The following OR52I2 variants were observed in gnomAD, a reference collection of about 807,000 sequenced individuals.
The protein encoded by OR52I2 is olfactory receptor 52I2.
For missense variants in OR52I2, 350 were observed against 402.4 expected (o/e 0.87, Z 1.11); for synonymous variants, 147 against 151.9 (o/e 0.97, Z 0.24).
intron 1 of OR52I2, among the ~76,000 whole-genome samples, chr11:4,583,145 T>C (rs1261038943): frequency 2.0e-5 from 3 of 152,096 alleles, no homozygotes; most frequent in African/African-American, 7.2e-5. Flanking sequence ...TCAGTAGCAA[T>C]ACATTGAGTA....
At chr11:4,588,523 T>C (rs184382966) in exon 2 of OR52I2, 1 of 152,860 alleles carries the variant, frequency 6.5e-6, no homozygotes, top group Admixed American at 6.5e-5. Flanking sequence ...GTTTATCCTC[T>C]ATTTGGAGAA....
chr11:4,593,158 T>C (rs1378869663), exon 2 of OR52I2: 4 of 152,540 alleles, frequency 2.6e-5, no homozygotes, highest in African/African-American at 7.2e-5. Flanking sequence ...TTCTAAAGGA[T>C]AAAGCTTTCT....
rs1446492058 is a variant in OR52I2 at position 4,586,732 on chromosome 11, G to T, written c.-19-140G>T. 7.0e-6 allele frequency: 8 copies of T among 1,147,094 alleles called. No homozygotes were observed. The African/African-American group carries it at 1.2e-4, about 18-fold the overall frequency. 71.1% of individuals were successfully genotyped at this position (1,147,094 alleles called of 1,614,324 possible). ...TATTAAGGAGGATAAAAGTGGTACA[G>T]GATAATTTTGTCAGATGCCACATTT... On this transcript the variant is annotated intron_variant, in intron 1 of 1. Transcript: ENST00000641896.
intron 1 of OR52I2, among the ~76,000 whole-genome samples, chr11:4,582,999 C>T (rs1846271301): frequency 6.6e-6 from 1 of 151,964 alleles, no homozygotes; most frequent in Non-Finnish European, 1.5e-5. Flanking sequence ...CCAGCATGTC[C>T]ATAATGGCTC....
exon 2 of OR52I2, chr11:4,590,867 T>C (rs1180445673): frequency 6.6e-6 from 1 of 152,244 alleles, no homozygotes; most frequent in Non-Finnish European, 1.5e-5. Flanking sequence ...GCAAGGTTTT[T>C]ATAATCTGAT....
Position 4,586,852 on chromosome 11 carries a change from C to A in OR52I2, c.-19-20C>A. 1.2e-6 allele frequency: 2 copies of A among 1,614,110 alleles called. No individual in the cohort carries two copies. Among genetic ancestry groups the A allele is most frequent in the Non-Finnish European group, 1.7e-6 (2 of 1,179,976 alleles). ...CTTACGGGATTGCATTCTTCTCATACATCATTTGTGCATTAACAGGAAAAA... is the reference window on the plus strand; with the variant it reads ...CTTACGGGATTGCATTCTTCTCATAAATCATTTGTGCATTAACAGGAAAAA... On this transcript the variant is annotated intron_variant, in intron 1 of 1. Transcript: ENST00000641896.
chr11:4,585,971 GT>G (rs1399450261), intron 1 of OR52I2, among the ~76,000 whole-genome samples: 6 of 152,132 alleles, frequency 3.9e-5, no homozygotes, highest in Non-Finnish European at 8.8e-5. Flanking sequence ...AAGCTTCCTT[GT>G]TGCCTGGAAT....
chr11:4,587,658 T>C (rs1846317733), exon 2 of OR52I2: 10 of 1,614,196 alleles, frequency 6.2e-6, no homozygotes, highest in Non-Finnish European at 8.5e-6. Context: ...CTTTGTACTA[T>C]CTACCTGGGA....
intron 1 of OR52I2, among the ~76,000 whole-genome samples, chr11:4,583,208 G>T (rs1413998079): frequency 6.6e-6 from 1 of 152,138 alleles, no homozygotes; most frequent in African/African-American, 2.4e-5. Flanking sequence ...CCTGTTCTTT[G>T]AAAAGATTAC....
At chr11:4,590,179 GCTAT>G (rs1370152155) in exon 2 of OR52I2, 3 of 152,108 alleles carry the variant, frequency 2.0e-5, no homozygotes, top group Admixed American at 6.5e-5. Flanking sequence ...TATTTATCAG[GCTAT>G]CTATCTGAGA....
chr11:4,586,683 G>T, intron 1 of OR52I2, 189 bp from the exon 2 acceptor site: 1 of 763,436 alleles, frequency 1.3e-6, no homozygotes. Context: ...CATGAACAAT[G>T]AATACAAATT....
In OR52I2 at chr11:4,592,385, T is replaced by A. The variant is rs150090479; in HGVS notation, c.*4520T>A. 176 of 152,300 alleles carry A rather than the reference T, an allele frequency of 1.2e-3. 2 individuals are homozygous for A. The highest frequency in any genetic ancestry group is 3.8e-3 in the African/African-American group (159 of 41,564). 9.4% of individuals were successfully genotyped at this position (152,300 alleles called of 1,614,324 possible). A position where few individuals can be genotyped will look rare whatever the true frequency, so the allele number is the denominator to read the frequency against. ...ATCTAGAACCGATGCTTTTTGCCAC[T>A]TTGCTATCCTGCCCTTTGATGATGT... On this transcript the variant is annotated 3_prime_UTR_variant, in exon 2 of 2. Coordinates refer to ENST00000641896, the Ensembl canonical transcript of OR52I2.
At chr11:4,586,795 AG>A in intron 1 of OR52I2, 76 bp from the exon 2 acceptor site, 1 of 1,601,392 alleles carries the variant, frequency 6.2e-7, no homozygotes, top group Non-Finnish European at 8.6e-7. Context: ...GAATATCCTT[AG>A]GTTTTCCCAG....
chr11:4,587,670 G>A, exon 2 of OR52I2: 1 of 1,614,168 alleles, frequency 6.2e-7, no homozygotes, highest in Non-Finnish European at 8.5e-7. Flanking sequence ...TACCTGGGAT[G>A]GCATCCATCT....
chr11:4,589,229 G>A (rs1003102453), exon 2 of OR52I2: 1 of 152,296 alleles, frequency 6.6e-6, no homozygotes, highest in Non-Finnish European at 1.5e-5. Context: ...AAGGCAGGAT[G>A]ATTGAGTATC....
chr11:4,588,330 C>T (rs1215284255), exon 2 of OR52I2: 1 of 161,168 alleles, frequency 6.2e-6, no homozygotes, highest in African/African-American at 2.4e-5. Context: ...TACCCTTCGC[C>T]ATTAAAAAGA....
intron 1 of OR52I2, among the ~76,000 whole-genome samples, chr11:4,584,368 A>G (rs1487483605): frequency 2.6e-5 from 4 of 152,228 alleles, no homozygotes; most frequent in Non-Finnish European, 5.9e-5. Context: ...TCCTTAACAT[A>G]TTCTAGTCCA....
At chr11:4,591,972 G>A (rs1036077975) in exon 2 of OR52I2, 4 of 152,194 alleles carry the variant, frequency 2.6e-5, no homozygotes, top group Non-Finnish European at 5.9e-5. Context: ...ACAGCCACTG[G>A]GTGAGACATC....
chr11:4,583,874 G>A (rs1846278970), intron 1 of OR52I2, among the ~76,000 whole-genome samples: 1 of 152,162 alleles, frequency 6.6e-6, no homozygotes. Flanking sequence ...ATCAGTGCTA[G>A]GCTTTCTAGG....
Sources: gnomAD v4.1 joint callset for allele counts (sites outside exome capture counted in the v4.1 genomes callset) on GRCh38, gnomAD v4.1.1 for gene constraint, MANE v1.5 for transcripts, NCBI Gene and HGNC (gene_info 2026-07-23, HGNC 2026-07-21) for gene names.